The following CACNA2D1 variants were observed in gnomAD, a reference collection of about 807,000 sequenced individuals.
CACNA2D1 encodes calcium voltage-gated channel auxiliary subunit alpha2delta 1.
In CACNA2D1, 53 loss-of-function variants were observed where a neutral mutation model predicts 171.5. The ratio of observed to expected loss-of-function variants is 0.31; its 90% CI spans 0.25 to 0.39. The LOEUF is 0.39. Among genes scored for constraint, CACNA2D1 ranks in the 10% least tolerant of loss-of-function variants. The probability of loss-of-function intolerance (pLI) is 1.00; values close to 1 mark genes in which losing one functional copy is unlikely to be tolerated. For synonymous variants in CACNA2D1, 442 were observed against 443.1 expected (o/e 1.00, Z 0.03); for missense variants, 903 against 1,299.8 (o/e 0.69, Z 4.69).
intron 4 of CACNA2D1, among the ~76,000 whole-genome samples, chr7:82,141,035 G>A (rs28441268): frequency 2.0e-5 from 3 of 150,472 alleles, no homozygotes; most frequent in Non-Finnish European, 4.4e-5. Flanking sequence ...ATTTGGCTCA[G>A]AAACAATTTC....
chr7:81,958,176 C>G (rs1793663555), intron 38 of CACNA2D1, among the ~76,000 whole-genome samples: 1 of 151,878 alleles, frequency 6.6e-6, no homozygotes, highest in Non-Finnish European at 1.5e-5. Context: ...ACAGAGATAA[C>G]TGGGATTGAC....
At chr7:82,357,960 G>A (rs1010890989) in intron 1 of CACNA2D1, among the ~76,000 whole-genome samples, 1 of 151,886 alleles carries the variant, frequency 6.6e-6, no homozygotes, top group Non-Finnish European at 1.5e-5. Flanking sequence ...TCCTAAGGCA[G>A]TTCTCTGCTT....
chr7:82,066,416 G>C (rs763698897), intron 8 of CACNA2D1, 39 bp downstream of exon 8: 1 of 1,606,708 alleles, frequency 6.2e-7, no homozygotes, highest in South Asian at 1.1e-5. Flanking sequence ...ATATCTTCTT[G>C]CCTATTTTAT....
At chr7:82,005,951 A>C in intron 16 of CACNA2D1, 112 bp from the exon 17 acceptor site, 1 of 739,384 alleles carries the variant, frequency 1.4e-6, no homozygotes, top group Non-Finnish European at 2.5e-6. Context: ...ACATTAGTTT[A>C]AATGTATATA....
At chr7:82,401,097 C>A (rs1826350262) in intron 1 of CACNA2D1, among the ~76,000 whole-genome samples, 1 of 152,138 alleles carries the variant, frequency 6.6e-6, no homozygotes, top group African/African-American at 2.4e-5. Context: ...AACACTTTTA[C>A]ACTGTTGGTG....
At chr7:82,083,129 C>A (rs917300478) in intron 7 of CACNA2D1, among the ~76,000 whole-genome samples, 1 of 151,752 alleles carries the variant, frequency 6.6e-6, no homozygotes, top group Non-Finnish European at 1.5e-5. Flanking sequence ...TGCTCATTAT[C>A]ATCCTAATTT....
intron 30 of CACNA2D1, 64 bp from the exon 31 acceptor site, chr7:81,967,271 C>T: frequency 8.2e-7 from 1 of 1,219,452 alleles, no homozygotes. Context: ...ATATTATTAC[C>T]ATGTTATAAT....
chr7:82,297,983 T>A (rs1158250967), intron 3 of CACNA2D1, among the ~76,000 whole-genome samples: 3 of 152,126 alleles, frequency 2.0e-5, no homozygotes, highest in Non-Finnish European at 4.4e-5. Context: ...AATAATTTTT[T>A]AAAAACCTTT....
intron 4 of CACNA2D1, among the ~76,000 whole-genome samples, chr7:82,157,792 CTT>C (rs1379746525): frequency 6.6e-6 from 1 of 151,952 alleles, no homozygotes; most frequent in Admixed American, 6.6e-5. Flanking sequence ...AACTAATGCT[CTT>C]TGTTTCAAAA....
intron 3 of CACNA2D1, among the ~76,000 whole-genome samples, chr7:82,175,969 G>C (rs1339276474): frequency 6.6e-6 from 1 of 151,932 alleles, no homozygotes; most frequent in Non-Finnish European, 1.5e-5. Context: ...AGTTTTCACT[G>C]TATTTTACCC....
intron 3 of CACNA2D1, among the ~76,000 whole-genome samples, chr7:82,308,190 C>T (rs955125520): frequency 1.3e-5 from 2 of 152,130 alleles, no homozygotes; most frequent in Non-Finnish European, 2.9e-5. Context: ...TGATTCTTCC[C>T]CTCCTTTGCC....
intron 5 of CACNA2D1, among the ~76,000 whole-genome samples, chr7:82,134,026 T>A (rs1791321461): frequency 6.6e-6 from 1 of 150,988 alleles, no homozygotes; most frequent in Non-Finnish European, 1.5e-5. Context: ...TGAACCGAGA[T>A]CGCACCACTG....
chr7:82,114,228 A>G (rs1788767843), intron 6 of CACNA2D1, among the ~76,000 whole-genome samples: 1 of 152,172 alleles, frequency 6.6e-6, no homozygotes, highest in Non-Finnish European at 1.5e-5. Context: ...CAAATTTGTG[A>G]GTCAGATTTC....
At chr7:82,187,624 GA>G (rs1461106744) in intron 3 of CACNA2D1, among the ~76,000 whole-genome samples, 1 of 152,122 alleles carries the variant, frequency 6.6e-6, no homozygotes, top group Non-Finnish European at 1.5e-5. Context: ...AATTAGAATT[GA>G]TTTAATAAAT....
intron 3 of CACNA2D1, among the ~76,000 whole-genome samples, chr7:82,176,547 TTAGC>T (rs1485464781): frequency 6.6e-6 from 1 of 151,902 alleles, no homozygotes; most frequent in East Asian, 1.9e-4. Flanking sequence ...AAAGGTTCTG[TTAGC>T]TAAAGAAGCC....
At chr7:82,001,097 A>G (rs553150700) in intron 18 of CACNA2D1, among the ~76,000 whole-genome samples, 17 of 152,248 alleles carry the variant, frequency 1.1e-4, no homozygotes, top group East Asian at 3.9e-4. Flanking sequence ...TATACATGTG[A>G]TAACTGAAGT....
intron 5 of CACNA2D1, among the ~76,000 whole-genome samples, chr7:82,122,599 T>C (rs1789866278): frequency 6.6e-6 from 1 of 152,176 alleles, no homozygotes; most frequent in Non-Finnish European, 1.5e-5. Context: ...CAGAAAGGGA[T>C]GTAATACAGT....
chr7:82,436,584 A>G (rs1830132747), intron 1 of CACNA2D1, among the ~76,000 whole-genome samples: 1 of 152,192 alleles, frequency 6.6e-6, no homozygotes, highest in Admixed American at 6.5e-5. Context: ...TTTCCAATAT[A>G]ACCAAGCTCA....
chr7:82,061,239 A>T lies in CACNA2D1; in HGVS notation c.780-712T>A, dbSNP rs115771985. Among the ~76,000 whole-genome samples, 565 of 152,208 alleles carry T rather than the reference A, an allele frequency of 3.7e-3. 5 individuals are homozygous for T. The highest frequency in any genetic ancestry group is 0.013 in the African/African-American group (535 of 41,548). On this transcript the variant is annotated intron_variant, in intron 9 of 38. Coordinates refer to ENST00000356860, the MANE Select transcript of CACNA2D1 (RefSeq NM_000722.4). ...CCTATTTATGTTCTTGGTACCAAAG[A>T]GTCTATGTCTCAGCCATCCAATTTG...
Sources: allele counts gnomAD v4.1 joint callset (sites outside exome capture counted in the v4.1 genomes callset), GRCh38; gene constraint gnomAD v4.1.1; transcripts MANE v1.5; gene names NCBI Gene and HGNC (gene_info 2026-07-23, HGNC 2026-07-21).